The following DHRS3 variants were observed in gnomAD, a reference collection of about 807,000 sequenced individuals.
DHRS3 encodes the protein dehydrogenase/reductase 3.
Under a neutral mutation model 27.2 loss-of-function variants are expected in DHRS3, and 14 were observed. That is an observed-to-expected ratio of 0.52 (90% CI 0.34 to 0.81). DHRS3 has a LOEUF of 0.81. Among genes scored for constraint, DHRS3 ranks in the 30% least tolerant of loss-of-function variants. The probability of loss-of-function intolerance (pLI) is 0.01; values close to 1 mark genes in which losing one functional copy is unlikely to be tolerated. For missense variants in DHRS3, 322 were observed against 406.2 expected, an observed-to-expected ratio of 0.79 and a Z score of 1.78; for synonymous variants, 165 against 175.9, an observed-to-expected ratio of 0.94 and a Z score of 0.49.
rs917706902 is a variant in DHRS3 at position 12,593,233 on chromosome 1, T to A, written c.196-12567A>T. Among the ~76,000 whole-genome samples, 1 of 152,166 alleles carries A rather than the reference T, an allele frequency of 6.6e-6. No homozygotes were observed. Among genetic ancestry groups the A allele is most frequent in the Non-Finnish European group, 1.5e-5 (1 of 68,032 alleles). ...CTGCCCCATCCCTCGTCTCAGCTACTCCCTCCTAGGTCTCGGCCCTGCAGA... is the reference window on the plus strand; with the variant it reads ...CTGCCCCATCCCTCGTCTCAGCTACACCCTCCTAGGTCTCGGCCCTGCAGA... On this transcript the variant is annotated intron_variant, in intron 1 of 5. Coordinates refer to ENST00000616661, the MANE Select transcript of DHRS3 (RefSeq NM_004753.7). The surrounding 1 kb of genome is among the most constrained non-coding windows in gnomAD (Gnocchi z 4.6).
chr1:12,589,416 G>C (rs1199881553), intron 1 of DHRS3, among the ~76,000 whole-genome samples: 2 of 146,978 alleles, frequency 1.4e-5, no homozygotes, highest in Admixed American at 1.4e-4. Context: ...TGAGATGGAG[G>C]CTTGCTCTGT....
intron 1 of DHRS3, among the ~76,000 whole-genome samples, chr1:12,613,654 A>G (rs1260086579): frequency 6.6e-6 from 1 of 152,152 alleles, no homozygotes; most frequent in Non-Finnish European, 1.5e-5. Flanking sequence ...AGGGCTATCT[A>G]CCCACATGCT....
At chr1:12,602,711 A>G (rs748574751) in intron 1 of DHRS3, among the ~76,000 whole-genome samples, 3 of 152,102 alleles carry the variant, frequency 2.0e-5, no homozygotes, top group Non-Finnish European at 4.4e-5. Context: ...ACATTTCCAC[A>G]CCTTCATTTT....
rs754683233 is a variant in DHRS3 at position 12,568,402 on chromosome 1, C to T, written c.847G>A (p.Glu283Lys). 17 of 1,613,602 alleles carry T rather than the reference C, an allele frequency of 1.1e-5. No homozygotes were observed. Among genetic ancestry groups the T allele is most frequent in the South Asian group, 3.3e-5 (3 of 91,082 alleles). ...GTTCCTGAGAATTTGTGGATCTCCTCGAGTGCAGCCTGTGGAAGTATGCTG... is the reference window on the plus strand; with the variant it reads ...GTTCCTGAGAATTTGTGGATCTCCTTGAGTGCAGCCTGTGGAAGTATGCTG... ...LKSILPQAAL[E>K]EIHKFSGTYT... Residue 283 changes from glutamate (E) to lysine (K), a missense_variant, in exon 6 of 6, where the codon GAG (glutamate) becomes AAG (lysine). By Grantham distance (56) the Glu-to-Lys change is moderately conservative. Transcript: ENST00000616661.
At chr1:12,569,174 G>T (rs965179565) in intron 5 of DHRS3, among the ~76,000 whole-genome samples, 5 of 148,032 alleles carry the variant, frequency 3.4e-5, no homozygotes, top group African/African-American at 1.0e-4. Context: ...CCGAGATCGC[G>T]CCGTTGCACT....
At chr1:12,611,163 A>G (rs752628602) in intron 1 of DHRS3, among the ~76,000 whole-genome samples, 5 of 152,228 alleles carry the variant, frequency 3.3e-5, no homozygotes, top group African/African-American at 4.8e-5. Context: ...GGATCTGTGC[A>G]GCCATAAACA....
In DHRS3 at chr1:12,568,290, G is replaced by A; in HGVS notation, c.*50C>T. 6.5e-7 allele frequency: 1 copy of A among 1,537,444 alleles called. No individual in the cohort carries two copies. The highest frequency in any genetic ancestry group is 9.0e-7 in the Non-Finnish European group (1 of 1,111,412). ...CAGGTGCTCGGGTGTGTGCCCAGGTGCTGTGGCCCCCAAACTCCGTGGCTC... is the reference window on the plus strand; with the variant it reads ...CAGGTGCTCGGGTGTGTGCCCAGGTACTGTGGCCCCCAAACTCCGTGGCTC... On this transcript the variant is annotated 3_prime_UTR_variant, in exon 6 of 6. Coordinates refer to ENST00000616661, the MANE Select transcript of DHRS3 (RefSeq NM_004753.7).
At chr1:12,581,440 G>A (rs976707398) in intron 1 of DHRS3, among the ~76,000 whole-genome samples, 1 of 152,176 alleles carries the variant, frequency 6.6e-6, no homozygotes, top group Non-Finnish European at 1.5e-5. Flanking sequence ...CAGGAGCTAA[G>A]CCGAGCCTCC....
At chr1:12,613,954 C>T (rs61777485) in intron 1 of DHRS3, among the ~76,000 whole-genome samples, 22 of 151,958 alleles carry the variant, frequency 1.4e-4, no homozygotes, top group African/African-American at 4.6e-4. Flanking sequence ...TATTTTTAGT[C>T]GAGATGGGGA....
chr1:12,570,606 G>T (rs4846120), intron 5 of DHRS3, among the ~76,000 whole-genome samples: 24,113 of 152,146 alleles, frequency 0.16, 2,120 homozygotes, highest in East Asian at 0.27. Context: ...TTGTGGGGAA[G>T]GTTGGAAAAT....
intron 4 of DHRS3, among the ~76,000 whole-genome samples, chr1:12,575,558 T>C (rs1188848035): frequency 6.6e-6 from 1 of 152,182 alleles, no homozygotes; most frequent in Non-Finnish European, 1.5e-5. Context: ...ATCTTCCTTG[T>C]ACTACTCTTC....
chr1:12,582,735 C>G (rs879014728), intron 1 of DHRS3, among the ~76,000 whole-genome samples: 2 of 152,020 alleles, frequency 1.3e-5, no homozygotes, highest in African/African-American at 4.8e-5. Flanking sequence ...CCTGTGTATA[C>G]AGCCACCCAT....
chr1:12,584,983 A>ATGTGTCTGTGGGTG (rs1243689208), intron 1 of DHRS3, among the ~76,000 whole-genome samples: 20 of 135,134 alleles, frequency 1.5e-4, no homozygotes, highest in Non-Finnish European at 2.4e-4. Context: ...GTATGAGTGT[A>ATGTGTCTGTGGGTG]TGTGTCTGTG....
intron 1 of DHRS3, among the ~76,000 whole-genome samples, chr1:12,616,046 G>A (rs1363557031): frequency 6.6e-6 from 1 of 152,210 alleles, no homozygotes; most frequent in African/African-American, 2.4e-5. Flanking sequence ...CACCCCGGAG[G>A]AATTGTAAAT....
intron 1 of DHRS3, among the ~76,000 whole-genome samples, chr1:12,614,448 A>G (rs1351846166): frequency 6.6e-6 from 1 of 151,874 alleles, no homozygotes; most frequent in Non-Finnish European, 1.5e-5. Context: ...AGTTTGCCAC[A>G]GTGCACTGTG....
At chr1:12,605,073 C>T (rs1440269660) in intron 1 of DHRS3, among the ~76,000 whole-genome samples, 1 of 86,772 alleles carries the variant, frequency 1.2e-5, no homozygotes, top group Non-Finnish European at 2.2e-5. Flanking sequence ...GGCAAAACTC[C>T]ATCTCAAAAA....
chr1:12,591,621 C>T lies in DHRS3; in HGVS notation c.196-10955G>A, dbSNP rs1646746337. ...GGCTCACTAGCTGGCCACACTGCCT[C>T]AGCATGGGTGCCGTGGGGCGTCTAG... On this transcript the variant is annotated intron_variant, in intron 1 of 5. Coordinates refer to ENST00000616661, the MANE Select transcript of DHRS3 (RefSeq NM_004753.7). The surrounding 1 kb of genome is among the most constrained non-coding windows in gnomAD (Gnocchi z 4.1). Among the ~76,000 whole-genome samples, 1 of 152,258 alleles carries T rather than the reference C, an allele frequency of 6.6e-6. No individual in the cohort carries two copies.
At chr1:12,616,463 T>A in intron 1 of DHRS3, 1 of 783,476 alleles carries the variant, frequency 1.3e-6, no homozygotes, top group Non-Finnish European at 1.5e-6. Flanking sequence ...CAGCACCACC[T>A]TCCAGCTAAA....
In DHRS3 at chr1:12,572,718, A is replaced by T. The variant is rs752371837; in HGVS notation, c.824+10T>A. Reference sequence around the variant, plus strand: ...CCCCTGACCCAGAGTGTTCTTTCCCAGCCCCATACCTTTTCAAGATAACGA... The same window carrying T: ...CCCCTGACCCAGAGTGTTCTTTCCCTGCCCCATACCTTTTCAAGATAACGA... On this transcript the variant is annotated intron_variant, in intron 5 of 5. Transcript: ENST00000616661. 3 of 1,584,076 alleles carry T rather than the reference A, an allele frequency of 1.9e-6. No homozygotes were observed. Among genetic ancestry groups the T allele is most frequent in the African/African-American group, 1.3e-5 (1 of 74,672 alleles).
Sources: allele counts gnomAD v4.1 joint callset (sites outside exome capture counted in the v4.1 genomes callset), GRCh38; gene constraint gnomAD v4.1.1; non-coding constraint Gnocchi (gnomAD v3.1); transcripts MANE v1.5; gene names NCBI Gene and HGNC (gene_info 2026-07-23, HGNC 2026-07-21).